The following METTL16 variants were observed in gnomAD, a reference collection of about 807,000 sequenced individuals.
METTL16 encodes the protein RNA N(6)-adenosine-methyltransferase METTL16.
METTL16 carries 19 observed loss-of-function variants against 57.9 expected under a neutral mutation model. The observed-to-expected ratio is 0.33, with a 90% confidence interval of 0.23 to 0.48. The LOEUF (loss-of-function observed/expected upper bound fraction) is 0.48. METTL16 is among the 20% of genes least tolerant of loss of function. The pLI is 0.99. For synonymous variants in METTL16, 246 were observed against 255.6 expected, an observed-to-expected ratio of 0.96 and a Z score of 0.36; for missense variants, 434 against 691.5, an observed-to-expected ratio of 0.63 and a Z score of 4.18.
chr17:2,508,627 A>C (rs1214813329), intron 1 of METTL16, among the ~76,000 whole-genome samples: 1 of 151,924 alleles, frequency 6.6e-6, no homozygotes, highest in Non-Finnish European at 1.5e-5. Context: ...GGTCATTATC[A>C]TGTCTTTCTT....
In METTL16 at chr17:2,440,450, T is replaced by C. The variant is rs549370749; in HGVS notation, c.798+1040A>G. Among the ~76,000 whole-genome samples the C allele has an allele frequency of 3.3e-5, 5 of 152,162 alleles. No homozygotes were observed. In the East Asian group the frequency reaches 9.7e-4, roughly 29 times the overall value. On this transcript the variant is annotated intron_variant, in intron 7 of 9. Transcript: ENST00000263092. ...TTTTAGTAGAGATGGGGTTTCACCA[T>C]GTTGCCCAGGATGGTCTCGATCTCT...
At chr17:2,482,864 T>C (rs1340194949) in intron 2 of METTL16, among the ~76,000 whole-genome samples, 2 of 152,192 alleles carry the variant, frequency 1.3e-5, no homozygotes, top group East Asian at 1.9e-4. Flanking sequence ...TGAGCCAAGA[T>C]CCCATCACTG....
intron 2 of METTL16, among the ~76,000 whole-genome samples, 181 bp downstream of exon 2, chr17:2,502,023 T>C (rs2151580076): frequency 6.6e-6 from 1 of 152,312 alleles, no homozygotes; most frequent in East Asian, 1.9e-4. Flanking sequence ...TAAAAGCATC[T>C]GGTCCATTCC....
Position 2,420,964 on chromosome 17 carries a change from G to A in METTL16, c.889-60C>T, listed in dbSNP as rs938277909. On this transcript the variant is annotated intron_variant, in intron 8 of 9. Transcript: ENST00000263092. The surrounding 1 kb of genome is among the most constrained non-coding windows in gnomAD (Gnocchi z 5.4). ...AGTTATCCGAATAATTAAACCTCAT[G>A]CATTGTAATGAACTCAGAGAAAATT... The A allele has an allele frequency of 6.4e-7, 1 of 1,557,544 alleles. No individual in the cohort carries two copies. The highest frequency in any genetic ancestry group is 8.7e-7 in the Non-Finnish European group (1 of 1,144,100).
At chr17:2,496,923 A>G (rs1333567260) in intron 2 of METTL16, among the ~76,000 whole-genome samples, 1 of 151,708 alleles carries the variant, frequency 6.6e-6, no homozygotes, top group Non-Finnish European at 1.5e-5. Context: ...CAGCCCCCAG[A>G]CTATGAGAAA....
chr17:2,450,540 GGA>G (rs1483115997), intron 6 of METTL16, among the ~76,000 whole-genome samples: 1 of 152,060 alleles, frequency 6.6e-6, no homozygotes, highest in Non-Finnish European at 1.5e-5. Flanking sequence ...CACTTAAATG[GGA>G]GTTACTCAAG....
At chr17:2,426,728 C>CAAAAAAAA (rs778818177) in intron 8 of METTL16, among the ~76,000 whole-genome samples, 7 of 35,144 alleles carry the variant, frequency 2.0e-4, no homozygotes, top group African/African-American at 5.1e-4. Flanking sequence ...GACTCCGTCT[C>CAAAAAAAA]AAAAAAAAAA....
chr17:2,427,044 G>C (rs2066825233), intron 8 of METTL16, among the ~76,000 whole-genome samples: 1 of 151,984 alleles, frequency 6.6e-6, no homozygotes, highest in African/African-American at 2.4e-5. Context: ...TCGGAAGACT[G>C]AGGCAGGAGA....
chr17:2,467,946 C>A (rs1002194131), intron 4 of METTL16, 70 bp from the exon 5 acceptor site: 13 of 1,017,888 alleles, frequency 1.3e-5, no homozygotes, highest in Non-Finnish European at 1.9e-5. Context: ...CCGCGCACTG[C>A]GTAATGATTC....
At chr17:2,479,514 T>C (rs2067289662) in intron 2 of METTL16, among the ~76,000 whole-genome samples, 1 of 151,924 alleles carries the variant, frequency 6.6e-6, no homozygotes, top group African/African-American at 2.4e-5. Flanking sequence ...AGATGGGGTA[T>C]GAAAGGGAGG....
At chr17:2,452,658 C>A (rs893694013) in intron 6 of METTL16, among the ~76,000 whole-genome samples, 2 of 152,138 alleles carry the variant, frequency 1.3e-5, no homozygotes, top group Non-Finnish European at 2.9e-5. Context: ...TTCAAACTTT[C>A]AGAAGAGTTG....
At chr17:2,486,215 C>T (rs1416644763) in intron 2 of METTL16, among the ~76,000 whole-genome samples, 1 of 134,744 alleles carries the variant, frequency 7.4e-6, no homozygotes. Flanking sequence ...TTTATCATGT[C>T]CAGTCTGAAA....
intron 2 of METTL16, among the ~76,000 whole-genome samples, chr17:2,491,413 C>T (rs956095367): frequency 6.6e-6 from 1 of 152,156 alleles, no homozygotes; most frequent in Non-Finnish European, 1.5e-5. Context: ...AAATAACAAT[C>T]ATTCTAATCC....
intron 8 of METTL16, among the ~76,000 whole-genome samples, chr17:2,428,988 A>G (rs997624508): frequency 3.3e-5 from 5 of 151,834 alleles, no homozygotes; most frequent in African/African-American, 1.2e-4. Context: ...CCTCCCGAGT[A>G]GCTGGGACTA....
intron 8 of METTL16, among the ~76,000 whole-genome samples, chr17:2,433,093 T>C (rs571924429): frequency 3.9e-5 from 6 of 152,256 alleles, no homozygotes; most frequent in African/African-American, 1.4e-4. Context: ...CTGAAAGAGA[T>C]CAATGCAGTT....
chr17:2,473,778 G>T, intron 3 of METTL16, 114 bp from the exon 4 acceptor site: 1 of 1,142,088 alleles, frequency 8.8e-7, no homozygotes, highest in South Asian at 1.6e-5. Context: ...TCACTCTGTC[G>T]CCCAGGCTAC....
chr17:2,447,312 C>G (rs376466845), intron 6 of METTL16, among the ~76,000 whole-genome samples: 2 of 143,726 alleles, frequency 1.4e-5, no homozygotes. Flanking sequence ...CCCGGCCGCC[C>G]CGTCTGAGAA....
Position 2,420,035 on chromosome 17 carries a change from C to T in METTL16, c.1624G>A (p.Asp542Asn). 6.2e-7 allele frequency: 1 copy of T among 1,614,174 alleles called. No homozygotes were observed. The highest frequency in any genetic ancestry group is 1.3e-5 in the African/African-American group (1 of 75,022). The stretch of plus-strand genomic sequence containing the variant: ...TAGGTGCAAAGCTGGTTCATCAGAT[C>T]CCTGTTCTGGCCCTCAACCCAGTGC... ...EMHWVEGQNR[D>N]LMNQLCTYIR... The change falls in exon 10 of 10, where the codon GAT (aspartate) becomes AAT (asparagine). Residue 542 changes from aspartate to asparagine, a missense_variant. Physicochemically the swap from Asp to Asn is conservative, Grantham distance 23 (BLOSUM62 1). Around this residue, in one of 5 missense-constraint regions of METTL16, gnomAD observed 26 missense variants for 60.7 expected, o/e 0.43. Transcript: ENST00000263092. This position sits in a 1 kb window ranked among gnomAD's most constrained non-coding sequence, Gnocchi z 5.4.
intron 2 of METTL16, among the ~76,000 whole-genome samples, chr17:2,481,879 A>G (rs765050248): frequency 2.6e-5 from 4 of 152,132 alleles, no homozygotes; most frequent in Non-Finnish European, 5.9e-5. Context: ...AATCCTTTAG[A>G]TATCTAGGCA....
Sources: allele counts gnomAD v4.1 joint callset (sites outside exome capture counted in the v4.1 genomes callset), GRCh38; gene constraint gnomAD v4.1.1; regional missense constraint gnomAD v4.1.1; non-coding constraint Gnocchi (gnomAD v3.1); transcripts MANE v1.5; gene names NCBI Gene and HGNC (gene_info 2026-07-23, HGNC 2026-07-21).